Variants in ATP13A5 observed in about 807,000 individuals in gnomAD.
ATP13A5 encodes ATPase 13A5, also known as probable cation-transporting ATPase 13A5.
A neutral mutation model predicts 150.2 loss-of-function variants in ATP13A5; 149 were observed. The ratio of observed to expected loss-of-function variants is 0.99; its 90% CI spans 0.87 to 1.14. The LOEUF (loss-of-function observed/expected upper bound fraction) is 1.14. Among genes scored for constraint, ATP13A5 ranks in the 50% most tolerant of loss-of-function variants. The pLI is 0.00. For synonymous variants in ATP13A5, 497 were observed against 522.2 expected, an observed-to-expected ratio of 0.95 and a Z score of 0.66; for missense variants, 1,383 against 1,449.3, an observed-to-expected ratio of 0.95 and a Z score of 0.74.
intron 1 of ATP13A5, among the ~76,000 whole-genome samples, chr3:193,366,225 G>A (rs1713233230): frequency 6.6e-6 from 1 of 151,962 alleles, no homozygotes. Flanking sequence ...GAAACAAGAA[G>A]CAACATTATG....
intron 2 of ATP13A5, 112 bp downstream of exon 2, chr3:193,363,995 A>C (rs941814558): frequency 1.4e-5 from 17 of 1,208,392 alleles, no homozygotes; most frequent in Admixed American, 2.2e-5. Flanking sequence ...AAACTCTTTA[A>C]ATAGAGGAAA....
At position 193,341,184 on chromosome 3, in the gene ATP13A5, T is replaced by C. The variant is rs1297170508; in HGVS notation, c.943+2743A>G. ...CATATTCCCCCCCCCTCCCAAATGATATTCCCTTTTGTCTCCAGACTCCTC... is the reference window on the plus strand; with the variant it reads ...CATATTCCCCCCCCCTCCCAAATGACATTCCCTTTTGTCTCCAGACTCCTC... On this transcript the variant is annotated intron_variant, in intron 9 of 29. Coordinates refer to ENST00000342358, the MANE Select transcript of ATP13A5 (RefSeq NM_198505.4). Among the ~76,000 whole-genome samples, 4 of 147,110 alleles carry C rather than the reference T, an allele frequency of 2.7e-5. No individual in the cohort carries two copies. The East Asian group carries it at 8.7e-4, about 32-fold the overall frequency.
Position 193,321,723 on chromosome 3 carries a change from C to A in ATP13A5, c.1873G>T (p.Gly625Cys). 4 of 1,614,188 alleles carry A rather than the reference C, an allele frequency of 2.5e-6. No individual in the cohort carries two copies. The highest frequency in any genetic ancestry group is 3.4e-6 in the Non-Finnish European group (4 of 1,180,022). ...GENHFHVYMKGAPEMVARFCR... is the reference protein window; with the variant it reads ...GENHFHVYMKCAPEMVARFCR... ...AACCTGGCCACCATTTCTGGGGCACCTTTCATGTAGACATGGAAATGATTC... is the reference window on the plus strand; with the variant it reads ...AACCTGGCCACCATTTCTGGGGCACATTTCATGTAGACATGGAAATGATTC... The change falls in exon 16 of 30, where the codon GGT (glycine) becomes TGT (cysteine). Residue 625 changes from glycine (G) to cysteine (C), a missense_variant. Coordinates refer to ENST00000342358, the MANE Select transcript of ATP13A5 (RefSeq NM_198505.4).
chr3:193,282,023 G>A (rs967002081), intron 27 of ATP13A5, among the ~76,000 whole-genome samples: 8 of 151,856 alleles, frequency 5.3e-5, no homozygotes, highest in South Asian at 2.1e-4. Flanking sequence ...GTGAAACCCC[G>A]CCTCTACTAA....
chr3:193,348,245 G>C (rs1268733524), intron 7 of ATP13A5, among the ~76,000 whole-genome samples: 2 of 152,178 alleles, frequency 1.3e-5, no homozygotes, highest in Non-Finnish European at 2.9e-5. Flanking sequence ...TCCCTGTTCA[G>C]CAGGACCAGG....
chr3:193,373,218 A>G (rs1476021833), intron 1 of ATP13A5, among the ~76,000 whole-genome samples: 1 of 152,044 alleles, frequency 6.6e-6, no homozygotes, highest in Non-Finnish European at 1.5e-5. Flanking sequence ...GGCTCACTGC[A>G]ACCTCTGCCT....
chr3:193,282,563 G>T (rs1466079862), intron 27 of ATP13A5, among the ~76,000 whole-genome samples: 3 of 152,136 alleles, frequency 2.0e-5, no homozygotes, highest in Admixed American at 6.5e-5. Flanking sequence ...ATTTAGCAGA[G>T]ATGGGGTTTC....
rs2108874879 is a variant in ATP13A5, at chr3:193,333,753, A to G, written c.1269T>C (p.His423=). Residue 423 remains histidine, a synonymous_variant, in exon 11 of 30, where the codon CAT becomes CAC. Coordinates refer to ENST00000342358, the MANE Select transcript of ATP13A5 (RefSeq NM_198505.4). ...AAGCCTTACCCCCAGTACTTACTCC[A>G]TGGTACATATATACCCCTAGGGCAT... ...FFYALGVYMY[H]GVPPKDTVTM... 1 of 1,613,308 alleles carries G rather than the reference A, an allele frequency of 6.2e-7. No individual in the cohort carries two copies. The highest frequency in any genetic ancestry group is 8.5e-7 in the Non-Finnish European group (1 of 1,179,590).
At chr3:193,377,152 A>T (rs1050256139) in intron 1 of ATP13A5, among the ~76,000 whole-genome samples, 3 of 152,236 alleles carry the variant, frequency 2.0e-5, no homozygotes, top group African/African-American at 7.2e-5. Context: ...AAGAATAAAG[A>T]GCAATGTAAT....
rs761223480 is a variant in ATP13A5, at chr3:193,276,789, C to G, written c.3357G>C (p.Val1119=). 6.2e-7 allele frequency: 1 copy of G among 1,613,520 alleles called. No individual in the cohort carries two copies. The change falls in exon 29 of 30, where the codon GTG becomes GTC. Residue 1119 remains valine (V), a synonymous_variant. Transcript: ENST00000342358. ...TITSWRVLIL[V]VALTQFCVAF... The stretch of plus-strand genomic sequence containing the variant: ...CCACACAGAATTGGGTGAGGGCTAC[C>G]ACCAAAATTAAAACCCTCCACGATG...
At chr3:193,360,699 C>T (rs945977399) in intron 5 of ATP13A5, among the ~76,000 whole-genome samples, 6 of 151,640 alleles carry the variant, frequency 4.0e-5, no homozygotes, top group African/African-American at 1.2e-4. Flanking sequence ...TTTTTTGTGA[C>T]GGAGTCTCAC....
intron 1 of ATP13A5, among the ~76,000 whole-genome samples, chr3:193,371,787 C>G (rs1260049965): frequency 6.6e-6 from 1 of 152,184 alleles, no homozygotes; most frequent in Admixed American, 6.5e-5. Context: ...TTTAATGAGT[C>G]ACCTGATTAG....
chr3:193,340,823 TTCTGTC>T (rs1163653223), intron 9 of ATP13A5, among the ~76,000 whole-genome samples: 1 of 152,218 alleles, frequency 6.6e-6, no homozygotes, highest in Non-Finnish European at 1.5e-5. Flanking sequence ...CTTTCATGTT[TTCTGTC>T]TCTGTCACTA....
intron 1 of ATP13A5, among the ~76,000 whole-genome samples, chr3:193,370,996 A>G (rs375099452): frequency 6.6e-6 from 1 of 152,220 alleles, no homozygotes; most frequent in African/African-American, 2.4e-5. Flanking sequence ...TGGCACTACC[A>G]TAACAAGAGT....
At position 193,276,808 on chromosome 3, in the gene ATP13A5, C is replaced by T; in HGVS notation, c.3338G>A (p.Trp1113Ter). The T allele has an allele frequency of 6.2e-7, 1 of 1,613,602 alleles. No individual in the cohort carries two copies. Among genetic ancestry groups the T allele is most frequent in the South Asian group, 1.1e-5 (1 of 91,004 alleles). Residue 1113 changes from tryptophan (W) to a stop codon, truncating the protein, a stop_gained, in exon 29 of 30, where the codon TGG becomes TAG. Coordinates refer to ENST00000342358, the MANE Select transcript of ATP13A5 (RefSeq NM_198505.4). LOFTEE classifies it high-confidence loss of function. Reference sequence around the variant, plus strand: ...GGCTACCACCAAAATTAAAACCCTCCACGATGTTATGGTTGGGATCAACTG... The same window carrying T: ...GGCTACCACCAAAATTAAAACCCTCTACGATGTTATGGTTGGGATCAACTG... Reference protein sequence around the residue: ...GMELIPTITSWRVLILVVALT... With the variant: ...GMELIPTITS
At chr3:193,341,583 G>A (rs555799551) in intron 9 of ATP13A5, among the ~76,000 whole-genome samples, 1 of 152,158 alleles carries the variant, frequency 6.6e-6, no homozygotes, top group Non-Finnish European at 1.5e-5. Flanking sequence ...GCCTCAGACA[G>A]CTCAGAGTGG....
rs139637117 is a variant in ATP13A5, at chr3:193,290,097, A to G, written c.2849-38T>C. On this transcript the variant is annotated intron_variant, in intron 25 of 29. Coordinates refer to ENST00000342358, the MANE Select transcript of ATP13A5 (RefSeq NM_198505.4). ...TACATTTTTTTCCTATTACAATCTT[A>G]TCATTGAGAATAAAAGGTTGAGATT... The G allele has an allele frequency of 2.8e-4, 432 of 1,547,836 alleles. 5 individuals carry two copies. In the African/African-American group the frequency reaches 5.4e-3, roughly 19 times the overall value.
At chr3:193,368,077 A>G (rs1343527144) in intron 1 of ATP13A5, among the ~76,000 whole-genome samples, 1 of 151,760 alleles carries the variant, frequency 6.6e-6, no homozygotes, top group Non-Finnish European at 1.5e-5. Context: ...GTGGAAAAAT[A>G]TCCAAAAGAA....
intron 5 of ATP13A5, 130 bp downstream of exon 5, chr3:193,362,251 C>T: frequency 3.8e-6 from 3 of 791,810 alleles, no homozygotes; most frequent in Admixed American, 4.5e-5. Flanking sequence ...GATATCTCCG[C>T]TGCCAGTAAA....
Sources: allele counts gnomAD v4.1 joint callset (sites outside exome capture counted in the v4.1 genomes callset), GRCh38; gene constraint gnomAD v4.1.1; transcripts MANE v1.5; gene names NCBI Gene and HGNC (gene_info 2026-07-23, HGNC 2026-07-21).